Variants in BDP1 observed in about 807,000 individuals in gnomAD.
BDP1 encodes BDP1 general transcription factor IIIB subunit.
Under a neutral mutation model 266.6 loss-of-function variants are expected in BDP1, and 169 were observed. The ratio of observed to expected loss-of-function variants is 0.63; its 90% CI spans 0.56 to 0.72. BDP1 has a LOEUF of 0.72. Ranked by LOEUF, BDP1 falls within the 30% of genes least tolerant of loss-of-function variation. BDP1 has a pLI of 0.00. For missense variants in BDP1, 3,015 were observed against 3,053.8 expected, an observed-to-expected ratio of 0.99 and a Z score of 0.30; for synonymous variants, 1,090 against 1,022.4, an observed-to-expected ratio of 1.07 and a Z score of -1.26.
At chr5:71,557,355 T>C (rs1179023304) in intron 36 of BDP1, among the ~76,000 whole-genome samples, 1 of 147,334 alleles carries the variant, frequency 6.8e-6, no homozygotes, top group Non-Finnish European at 1.5e-5. Context: ...ACTACAGGCA[T>C]GCGCCACTAT....
At chr5:71,512,997 A>G (rs997430990) in intron 18 of BDP1, among the ~76,000 whole-genome samples, 188 bp from the exon 19 acceptor site, 3 of 149,432 alleles carry the variant, frequency 2.0e-5, no homozygotes, top group South Asian at 2.1e-4. Context: ...GCGGAGGTCA[A>G]GGCTGCAGTG....
intron 2 of BDP1, among the ~76,000 whole-genome samples, chr5:71,461,156 A>C (rs1761533962): frequency 6.6e-6 from 1 of 151,610 alleles, no homozygotes; most frequent in African/African-American, 2.4e-5. Flanking sequence ...ATTTTTTTGT[A>C]TTTTTTTGTA....
intron 24 of BDP1, 46 bp downstream of exon 24, chr5:71,522,995 C>T: frequency 6.7e-7 from 1 of 1,492,394 alleles, no homozygotes; most frequent in Non-Finnish European, 9.0e-7. Flanking sequence ...AAATAAAAAT[C>T]ACTTAACTTT....
intron 9 of BDP1, among the ~76,000 whole-genome samples, chr5:71,488,354 C>A (rs1160659233): frequency 6.6e-6 from 1 of 151,902 alleles, no homozygotes; most frequent in African/African-American, 2.4e-5. Flanking sequence ...TCTTAAACCC[C>A]TGACCTCAAA....
At position 71,567,191 on chromosome 5, in the gene BDP1, TGTTAGCTTGGGA is replaced by T. The variant is rs1425556108; in HGVS notation, c.*2312_*2323del. ...TTCTGAAAAGATTTCATTCTCTTAG[TGTTAGCTTGGGA>T]GTTAGATTGCCATGATTAAACTATT... On this transcript the variant is annotated 3_prime_UTR_variant, in exon 39 of 39. Transcript: ENST00000358731. 2.0e-5 allele frequency: 3 copies of T among 152,202 alleles called. No individual in the cohort carries two copies. Among genetic ancestry groups the T allele is most frequent in the Non-Finnish European group, 4.4e-5 (3 of 68,020 alleles). The allele number at this position is 152,202 out of a possible 1,614,324, so 9.4% of individuals were successfully genotyped here.
intron 28 of BDP1, among the ~76,000 whole-genome samples, chr5:71,540,691 A>C (rs1766912452): frequency 6.6e-6 from 1 of 152,126 alleles, no homozygotes; most frequent in Non-Finnish European, 1.5e-5. Flanking sequence ...TAATACCAGC[A>C]CTTTGGGAGG....
chr5:71,533,287 A>G (rs748354039), intron 26 of BDP1, among the ~76,000 whole-genome samples: 3 of 152,120 alleles, frequency 2.0e-5, no homozygotes, highest in South Asian at 2.1e-4. Flanking sequence ...TCTTGGGTAC[A>G]TTTCTAAAAA....
intron 37 of BDP1, 44 bp downstream of exon 37, chr5:71,560,281 A>G: frequency 6.3e-7 from 1 of 1,584,014 alleles, no homozygotes. Flanking sequence ...TCTCTGTCTT[A>G]ATAAATATAA....
chr5:71,535,002 G>A (rs1297547023), intron 26 of BDP1, among the ~76,000 whole-genome samples: 1 of 152,096 alleles, frequency 6.6e-6, no homozygotes, highest in Non-Finnish European at 1.5e-5. Context: ...AAATAAAAAT[G>A]ATTTTTGTAT....
chr5:71,517,336 T>A lies in BDP1; in HGVS notation c.4875T>A (p.Ile1625=). 6.3e-7 allele frequency: 1 copy of A among 1,599,450 alleles called. No individual in the cohort carries two copies. The highest frequency in any genetic ancestry group is 8.5e-7 in the Non-Finnish European group (1 of 1,175,934). ...KKVLTVSNSQ[I]ETEIEVPSSA... The stretch of plus-strand genomic sequence containing the variant: ...TGTCTTTTCAGTCAAATTCTCAAAT[T>A]GAAACTGAAATTGAAGTTCCATCGT... Residue 1625 remains isoleucine, a synonymous_variant, in exon 22 of 39, where the codon ATT becomes ATA. Coordinates refer to ENST00000358731, the MANE Select transcript of BDP1 (RefSeq NM_018429.3).
chr5:71,517,370 C>CCAGA lies in BDP1; in HGVS notation c.4910_4913dup (p.Glu1638AspfsTer7). 6.2e-7 allele frequency: 1 copy of CCAGA among 1,602,912 alleles called. No homozygotes were observed. Among genetic ancestry groups the CCAGA allele is most frequent in the Non-Finnish European group, 8.5e-7 (1 of 1,177,020 alleles). On this transcript the variant is annotated frameshift_variant, in exon 22 of 39. Coordinates refer to ENST00000358731, the MANE Select transcript of BDP1 (RefSeq NM_018429.3). LOFTEE classifies it high-confidence loss of function. ...AATTGAAGTTCCATCGTCCGCAGTT[C>CCAGA]CAGAACACAGAATGTATGAAAATCA... is the stretch of plus-strand genomic sequence containing the variant.
At chr5:71,539,933 A>G (rs922117280) in intron 28 of BDP1, among the ~76,000 whole-genome samples, 1 of 152,078 alleles carries the variant, frequency 6.6e-6, no homozygotes, top group Non-Finnish European at 1.5e-5. Flanking sequence ...AAGGTAGTGA[A>G]TACTACCTTT....
chr5:71,513,558 C>A, intron 19 of BDP1, 151 bp downstream of exon 19: 1 of 611,338 alleles, frequency 1.6e-6, no homozygotes, highest in Non-Finnish European at 2.9e-6. Context: ...TAATGTGCCT[C>A]ATTGTTCCAC....
At chr5:71,480,151 G>A (rs932108686) in intron 7 of BDP1, among the ~76,000 whole-genome samples, 8 of 146,114 alleles carry the variant, frequency 5.5e-5, no homozygotes, top group South Asian at 4.3e-4. Flanking sequence ...TCACTCTGTC[G>A]CCAGGCTGGA....
chr5:71,547,920 C>T (rs1742454126), intron 32 of BDP1, among the ~76,000 whole-genome samples: 1 of 151,740 alleles, frequency 6.6e-6, no homozygotes, highest in Non-Finnish European at 1.5e-5. Context: ...TGTGCCACTG[C>T]ACTCCAGCCT....
intron 7 of BDP1, among the ~76,000 whole-genome samples, chr5:71,472,723 C>T (rs1762323000): frequency 1.3e-5 from 2 of 152,040 alleles, no homozygotes; most frequent in South Asian, 4.2e-4. Context: ...AAAAGTGTTC[C>T]CTCTTCTATT....
At chr5:71,558,058 AT>A (rs1306185891) in intron 36 of BDP1, among the ~76,000 whole-genome samples, 1 of 152,018 alleles carries the variant, frequency 6.6e-6, no homozygotes, top group Non-Finnish European at 1.5e-5. Context: ...TCTGTTTTTC[AT>A]TTCTTTTATG....
rs114577827 is a variant in BDP1, at chr5:71,467,731, C to A, written c.919+244C>A. ...CTCAGCCAGGTGCAGTGGCTTACAC[C>A]TGTAATCCCTGCACTTTGGGAGGTT... On this transcript the variant is annotated intron_variant, in intron 6 of 38. Transcript: ENST00000358731. Among the ~76,000 whole-genome samples the A allele has an allele frequency of 0.025, 3,801 of 152,196 alleles. 73 individuals carry two copies. The highest frequency in any genetic ancestry group is 0.072 in the South Asian group (349 of 4,818).
chr5:71,483,921 A>T, intron 8 of BDP1, 25 bp downstream of exon 8: 2 of 1,566,504 alleles, frequency 1.3e-6, no homozygotes, highest in Non-Finnish European at 1.7e-6. Flanking sequence ...CTCTTTTACA[A>T]AGTATTACTT....
Sources: gnomAD v4.1 joint callset for allele counts (sites outside exome capture counted in the v4.1 genomes callset) on GRCh38, gnomAD v4.1.1 for gene constraint, MANE v1.5 for transcripts, NCBI Gene and HGNC (gene_info 2026-07-23, HGNC 2026-07-21) for gene names.